PLCD4: variants seen among roughly 807,000 people sequenced by gnomAD.
PLCD4 encodes phospholipase C delta 4.
A neutral mutation model predicts 90.2 loss-of-function variants in PLCD4; 63 were observed. That is an observed-to-expected ratio of 0.70 (90% CI 0.57 to 0.86). The LOEUF (loss-of-function observed/expected upper bound fraction) is 0.86. Ranked by LOEUF, PLCD4 falls within the 40% of genes least tolerant of loss-of-function variation. The probability of loss-of-function intolerance (pLI) is 0.00; values close to 1 mark genes in which losing one functional copy is unlikely to be tolerated. For synonymous variants in PLCD4, 294 were observed against 356.5 expected (o/e 0.82, Z 1.97); for missense variants, 830 against 956.3 (o/e 0.87, Z 1.74).
In PLCD4 at chr2:218,618,825, T is replaced by A; in HGVS notation, c.410+18T>A. On this transcript the variant is annotated intron_variant, in intron 4 of 15. Transcript: ENST00000450993. ...CTGGACCAGTATCGGCAGGATGGAG[T>A]CAGGGTGGGGGTGAGGGATCACGCT... 1 of 1,562,284 alleles carries A rather than the reference T, an allele frequency of 6.4e-7. No homozygotes were observed. Among genetic ancestry groups the A allele is most frequent in the African/African-American group, 1.4e-5 (1 of 73,594 alleles).
intron 14 of PLCD4, 49 bp downstream of exon 14, chr2:218,635,980 T>C (rs1696717971): frequency 6.2e-7 from 1 of 1,612,786 alleles, no homozygotes; most frequent in African/African-American, 1.3e-5. Flanking sequence ...CATGATTAGT[T>C]TTCCTTCTAG....
intron 4 of PLCD4, among the ~76,000 whole-genome samples, chr2:218,620,508 A>T (rs950906245): frequency 3.1e-4 from 47 of 151,246 alleles, no homozygotes; most frequent in South Asian, 2.7e-3. Flanking sequence ...CTCCAAAAAA[A>T]TTTTTTTTCT....
chr2:218,627,534 A>G (rs1346857263), intron 6 of PLCD4, among the ~76,000 whole-genome samples: 1 of 150,036 alleles, frequency 6.7e-6, no homozygotes, highest in Non-Finnish European at 1.5e-5. Flanking sequence ...TTTTTTTGAG[A>G]CGGAGTCTCA....
chr2:218,630,923 CT>C (rs759274538), intron 9 of PLCD4, 121 bp downstream of exon 9: 2 of 1,085,190 alleles, frequency 1.8e-6, no homozygotes, highest in Non-Finnish European at 2.6e-6. Flanking sequence ...CCATCTTGCT[CT>C]TTAATGTCCT....
Position 218,616,012 on chromosome 2 carries a change from G to A in PLCD4, c.131G>A (p.Gly44Asp). The A allele has an allele frequency of 6.2e-7, 1 of 1,614,004 alleles. No individual in the cohort carries two copies. Among genetic ancestry groups the A allele is most frequent in the Non-Finnish European group, 8.5e-7 (1 of 1,179,898 alleles). The change falls in exon 3 of 16, where the codon GGC becomes GAC. Residue 44 changes from glycine (G) to aspartate (D), a missense_variant. By Grantham distance (94) the Gly-to-Asp change is moderately conservative. Transcript: ENST00000450993. ...KLRYFRLQND[G>D]MTVWHARQAR... ...AGATACTTCAGACTTCAGAATGACGGCATGACAGTCTGGCATGCACGGCAG... is the reference window on the plus strand; with the variant it reads ...AGATACTTCAGACTTCAGAATGACGACATGACAGTCTGGCATGCACGGCAG...
At chr2:218,631,997 C>A in intron 9 of PLCD4, 139 bp from the exon 10 acceptor site, 1 of 805,734 alleles carries the variant, frequency 1.2e-6, no homozygotes, top group Non-Finnish European at 1.9e-6. Context: ...TTGTATGTAT[C>A]AAGCAGCTAA....
At chr2:218,635,060 A>T (rs1255403401) in intron 13 of PLCD4, among the ~76,000 whole-genome samples, 4 of 152,198 alleles carry the variant, frequency 2.6e-5, no homozygotes, top group South Asian at 4.2e-4. Context: ...AACTGGTCTC[A>T]ACAAAAAATT....
In PLCD4 at chr2:218,615,770, C is replaced by T. The variant is rs367819551; in HGVS notation, c.22+9C>T. On this transcript the variant is annotated intron_variant, in intron 2 of 15. Coordinates refer to ENST00000450993, the MANE Select transcript of PLCD4 (RefSeq NM_032726.4). ...GTCCCTGCTGCAAGACCGTGAGTGC[C>T]GGGGCCCCTGCAGGGGAAGAGGCCT... is the stretch of plus-strand genomic sequence containing the variant. The T allele has an allele frequency of 2.4e-5, 39 of 1,605,476 alleles. No individual in the cohort carries two copies. Among genetic ancestry groups the T allele is most frequent in the South Asian group, 1.4e-4 (13 of 89,666 alleles).
chr2:218,630,524 A>G (rs1421741958), intron 8 of PLCD4, 126 bp from the exon 9 acceptor site: 1 of 1,097,576 alleles, frequency 9.1e-7, no homozygotes, highest in Non-Finnish European at 1.4e-6. Flanking sequence ...ATGGAGTTGG[A>G]AGAGTTTAGT....
At chr2:218,628,282 A>G in intron 7 of PLCD4, 52 bp downstream of exon 7, 1 of 1,550,406 alleles carries the variant, frequency 6.4e-7, no homozygotes, top group Non-Finnish European at 8.9e-7. Context: ...CCATGTAGAA[A>G]AGTGAGGGGA....
intron 13 of PLCD4, 69 bp from the exon 14 acceptor site, chr2:218,635,727 G>A (rs1696691151): frequency 3.2e-6 from 5 of 1,546,630 alleles, no homozygotes; most frequent in Non-Finnish European, 3.5e-6. Context: ...TCTCCCCTGG[G>A]GTTGGGAGTA....
rs1695728000 is a variant in PLCD4, at chr2:218,618,576, C to T, written c.182-3C>T. ...ATGCCTCCACCTGTTTCTTCTCTGG[C>T]AGTCTCAATCTCTGATGTGGAGACA... On this transcript the variant is annotated splice_polypyrimidine_tract_variant and splice_region_variant and intron_variant, in intron 3 of 15. Coordinates refer to ENST00000450993, the MANE Select transcript of PLCD4 (RefSeq NM_032726.4). 3 of 1,613,104 alleles carry T rather than the reference C, an allele frequency of 1.9e-6. No individual in the cohort carries two copies. Among genetic ancestry groups the T allele is most frequent in the African/African-American group, 2.7e-5 (2 of 74,902 alleles).
In PLCD4 at chr2:218,636,759, T is replaced by A. The variant is rs1358282110; in HGVS notation, c.*182T>A. 1.4e-6 allele frequency: 1 copy of A among 693,054 alleles called. No individual in the cohort carries two copies. Among genetic ancestry groups the A allele is most frequent in the African/African-American group, 1.8e-5 (1 of 55,558 alleles). The allele number at this position is 693,054 out of a possible 1,614,324, so 42.9% of individuals were successfully genotyped here. ...GGGACCTGATTTTCCACCTTTTTTC[T>A]CTTTTCTTCCCTTCCTTTGTTTTCA... On this transcript the variant is annotated 3_prime_UTR_variant, in exon 16 of 16. Coordinates refer to ENST00000450993, the MANE Select transcript of PLCD4 (RefSeq NM_032726.4).
chr2:218,636,629 CATCTGGA>C lies in PLCD4; in HGVS notation c.*54_*60del. On this transcript the variant is annotated 3_prime_UTR_variant, in exon 16 of 16. Coordinates refer to ENST00000450993, the MANE Select transcript of PLCD4 (RefSeq NM_032726.4). ...TGTGCTGGCTTTAGACGGGGAGAAA[CATCTGGA>C]AGGATGCTCGAGAGAACAAATGGAG... 6.5e-7 allele frequency: 1 copy of C among 1,546,134 alleles called. No homozygotes were observed. The highest frequency in any genetic ancestry group is 8.9e-7 in the Non-Finnish European group (1 of 1,124,684).
chr2:218,611,358 G>T (rs1013429673), intron 1 of PLCD4, among the ~76,000 whole-genome samples: 1 of 152,160 alleles, frequency 6.6e-6, no homozygotes, highest in Admixed American at 6.5e-5. Context: ...AGGGTGTTCA[G>T]GCACTTGGGC....
At chr2:218,617,457 G>T (rs1288257319) in intron 3 of PLCD4, among the ~76,000 whole-genome samples, 2 of 151,358 alleles carry the variant, frequency 1.3e-5, no homozygotes, top group Admixed American at 6.6e-5. Flanking sequence ...CGCACCTGTA[G>T]TCCCAGCTAC....
chr2:218,621,505 A>G lies in PLCD4; in HGVS notation c.446A>G (p.Asn149Ser). ...GATTGGTTTCAACGTGGAGACAAAA[A>G]TCAGGATGGTAAGATGAGTTTCCAA... is the stretch of plus-strand genomic sequence containing the variant. Reference protein sequence around the residue: ...LSDWFQRGDKNQDGKMSFQEV... With the variant: ...LSDWFQRGDKSQDGKMSFQEV... The change falls in exon 5 of 16, where the codon AAT becomes AGT. Residue 149 changes from asparagine (N) to serine (S), a missense_variant. By Grantham distance (46) the Asn-to-Ser change is conservative. Coordinates refer to ENST00000450993, the MANE Select transcript of PLCD4 (RefSeq NM_032726.4). The G allele has an allele frequency of 6.2e-7, 1 of 1,614,022 alleles. No homozygotes were observed. Among genetic ancestry groups the G allele is most frequent in the Non-Finnish European group, 8.5e-7 (1 of 1,179,870 alleles).
At chr2:218,629,379 G>T (rs935530700) in intron 7 of PLCD4, 140 bp from the exon 8 acceptor site, 3 of 953,634 alleles carry the variant, frequency 3.1e-6, no homozygotes, top group African/African-American at 3.3e-5. Context: ...GATGGAGAAG[G>T]CTCTATGCAG....
chr2:218,625,284 T>C (rs1696067862), intron 6 of PLCD4, among the ~76,000 whole-genome samples: 1 of 149,566 alleles, frequency 6.7e-6, no homozygotes. Context: ...TAAACATCAG[T>C]CCAAGACTCT....
Sources: allele counts gnomAD v4.1 joint callset (sites outside exome capture counted in the v4.1 genomes callset), GRCh38; gene constraint gnomAD v4.1.1; transcripts MANE v1.5; gene names NCBI Gene and HGNC (gene_info 2026-07-23, HGNC 2026-07-21).